RAVER2: variants seen among roughly 807,000 people sequenced by gnomAD.
RAVER2 encodes ribonucleoprotein PTB-binding 2.
Under a neutral mutation model 78.1 loss-of-function variants are expected in RAVER2, and 46 were observed. That is an observed-to-expected ratio of 0.59 (90% CI 0.46 to 0.75). RAVER2 has a LOEUF of 0.75. Among genes scored for constraint, RAVER2 ranks in the 30% least tolerant of loss-of-function variants. The pLI is 0.00. For synonymous variants in RAVER2, 311 were observed against 313.3 expected (o/e 0.99, Z 0.08); for missense variants, 793 against 837.5 (o/e 0.95, Z 0.66).
exon 12 of RAVER2, chr1:64,831,897 A>AGAACT (rs1654147507): frequency 6.6e-6 from 1 of 152,248 alleles, no homozygotes; most frequent in Non-Finnish European, 1.5e-5. Flanking sequence ...CTACAAGGGC[A>AGAACT]GAACTGATTA....
intron 1 of RAVER2, among the ~76,000 whole-genome samples, chr1:64,754,283 T>C (rs1225082548): frequency 1.3e-5 from 2 of 152,204 alleles, no homozygotes; most frequent in African/African-American, 4.8e-5. Flanking sequence ...TATATCCTTA[T>C]CTCCCATTGT....
intron 5 of RAVER2, among the ~76,000 whole-genome samples, chr1:64,791,401 C>A (rs926623634): frequency 6.6e-6 from 1 of 152,144 alleles, no homozygotes. Context: ...TAGAGTTGGT[C>A]TTTCTGCACA....
chr1:64,812,924 G>T, intron 10 of RAVER2, 75 bp downstream of exon 10: 1 of 1,114,414 alleles, frequency 9.0e-7, no homozygotes. Context: ...TTTAATTTTT[G>T]ACTTCATGGA....
At chr1:64,814,574 C>G (rs866317305) in intron 10 of RAVER2, 130 bp from the exon 11 acceptor site, 1 of 521,052 alleles carries the variant, frequency 1.9e-6, no homozygotes, top group South Asian at 8.9e-5. Context: ...TGCTGAGTTA[C>G]AATTTATAAT....
intron 2 of RAVER2, among the ~76,000 whole-genome samples, chr1:64,774,558 A>G (rs1163553231): frequency 3.3e-5 from 5 of 152,292 alleles, no homozygotes; most frequent in Admixed American, 2.0e-4. Flanking sequence ...TACCAGTACC[A>G]TGCTGTTTTG....
At chr1:64,786,886 G>GCTTCACGAATTCCTTCAGTGAC (rs1340960640) in intron 4 of RAVER2, among the ~76,000 whole-genome samples, 1 of 152,100 alleles carries the variant, frequency 6.6e-6, no homozygotes, top group Non-Finnish European at 1.5e-5. Context: ...TAATAATAAT[G>GCTTCACGAATTCCTTCAGTGAC]CTTCACGAAT....
intron 5 of RAVER2, among the ~76,000 whole-genome samples, chr1:64,801,848 A>G (rs1259186892): frequency 1.3e-5 from 2 of 152,310 alleles, no homozygotes; most frequent in South Asian, 2.1e-4. Context: ...AGCCTGGGCA[A>G]TAGAGTGTGA....
chr1:64,785,069 A>C (rs533447863), intron 4 of RAVER2, among the ~76,000 whole-genome samples: 2 of 152,092 alleles, frequency 1.3e-5, no homozygotes, highest in Non-Finnish European at 2.9e-5. Context: ...TAATGCCTGC[A>C]TAAGTTCACC....
intron 4 of RAVER2, among the ~76,000 whole-genome samples, chr1:64,786,456 T>C (rs1652782122): frequency 6.6e-6 from 1 of 152,258 alleles, no homozygotes. Flanking sequence ...TGCTTTTTCT[T>C]GTTTGTTGGA....
exon 12 of RAVER2, chr1:64,833,097 G>GTTTGT (rs1654220128): frequency 5.6e-6 from 1 of 180,174 alleles, no homozygotes; most frequent in African/African-American, 2.4e-5. Context: ...AGTGGTGTTT[G>GTTTGT]TTTGTTTGTT....
At position 64,783,371 on chromosome 1, in the gene RAVER2, C is replaced by T. The variant is rs572705908; in HGVS notation, c.978+1800C>T. ...CAACAGTGTAAAAGCGTTCCTATTTCTCCACATCCTCTCTAGCATCTGTTG... is the reference window on the plus strand; with the variant it reads ...CAACAGTGTAAAAGCGTTCCTATTTTTCCACATCCTCTCTAGCATCTGTTG... On this transcript the variant is annotated intron_variant, in intron 4 of 11. Coordinates refer to ENST00000294428, the Ensembl canonical transcript of RAVER2. 3.3e-5 allele frequency among the ~76,000 whole-genome samples: 5 copies of T among 152,290 alleles called. No homozygotes were observed. The South Asian group carries it at 1.0e-3, about 32-fold the overall frequency.
intron 5 of RAVER2, 122 bp downstream of exon 5, chr1:64,789,636 ATTTAAT>A: frequency 1.2e-6 from 1 of 820,438 alleles, no homozygotes; most frequent in East Asian, 4.0e-5. Context: ...AGTATAAAAT[ATTTAAT>A]TTTTCTAGGA....
intron 2 of RAVER2, among the ~76,000 whole-genome samples, 193 bp from the exon 3 acceptor site, chr1:64,777,430 C>T (rs549184213): frequency 6.6e-6 from 1 of 152,060 alleles, no homozygotes; most frequent in East Asian, 1.9e-4. Flanking sequence ...ATGGAGGTGT[C>T]AGCATTAAAA....
chr1:64,776,377 G>T (rs1452210839), intron 2 of RAVER2, among the ~76,000 whole-genome samples: 1 of 152,202 alleles, frequency 6.6e-6, no homozygotes, highest in Non-Finnish European at 1.5e-5. Context: ...TGTGGGACAT[G>T]TGTTAAATGA....
intron 5 of RAVER2, among the ~76,000 whole-genome samples, chr1:64,802,544 T>C (rs1653297220): frequency 1.3e-5 from 2 of 152,254 alleles, no homozygotes; most frequent in African/African-American, 4.8e-5. Context: ...TGTGTACATA[T>C]ATTGTCTTCT....
At chr1:64,796,062 A>G (rs182093326) in intron 5 of RAVER2, among the ~76,000 whole-genome samples, 3 of 151,992 alleles carry the variant, frequency 2.0e-5, no homozygotes, top group Admixed American at 6.5e-5. Context: ...TATTTTTCCT[A>G]TCTGTTAACA....
intron 10 of RAVER2, among the ~76,000 whole-genome samples, chr1:64,813,740 A>G (rs1653683007): frequency 6.6e-6 from 1 of 151,920 alleles, no homozygotes; most frequent in Non-Finnish European, 1.5e-5. Flanking sequence ...CCTGTTATAT[A>G]TTGATCTGGT....
At position 64,759,477 on chromosome 1, in the gene RAVER2, C is replaced by T. The variant is rs573382918; in HGVS notation, c.250-9179C>T. 1.9e-4 allele frequency among the ~76,000 whole-genome samples: 28 copies of T among 149,748 alleles called. No individual in the cohort carries two copies. In the South Asian group the frequency reaches 2.5e-3, roughly 14 times the overall value. ...CTTGTGATCCGCCCGCCTCGGCCTC[C>T]CAAAGTGCTGGGATTACAGACGTGA... On this transcript the variant is annotated intron_variant, in intron 1 of 11. Transcript: ENST00000294428.
At chr1:64,778,166 AT>A (rs1652526665) in intron 3 of RAVER2, 74 bp downstream of exon 3, 1 of 1,071,720 alleles carries the variant, frequency 9.3e-7, no homozygotes, top group East Asian at 2.6e-5. Flanking sequence ...ACACTCACAA[AT>A]TTATCATACC....
Sources: gnomAD v4.1 joint callset for allele counts (sites outside exome capture counted in the v4.1 genomes callset) on GRCh38, gnomAD v4.1.1 for gene constraint, MANE v1.5 for transcripts, NCBI Gene and HGNC (gene_info 2026-07-23, HGNC 2026-07-21) for gene names.